The following CNDP2 variants were observed in gnomAD, a reference collection of about 807,000 sequenced individuals.
The protein encoded by CNDP2 is carnosine dipeptidase 2.
CNDP2 carries 38 observed loss-of-function variants against 55.0 expected under a neutral mutation model. The observed-to-expected ratio is 0.69, with a 90% CI of 0.53 to 0.90. The LOEUF is 0.90. Among genes scored for constraint, CNDP2 ranks in the 40% least tolerant of loss-of-function variants. The probability of loss-of-function intolerance (pLI) is 0.00; values close to 1 mark genes in which losing one functional copy is unlikely to be tolerated. For missense variants in CNDP2, 607 were observed against 621.7 expected, an observed-to-expected ratio of 0.98 and a Z score of 0.25; for synonymous variants, 241 against 260.2, an observed-to-expected ratio of 0.93 and a Z score of 0.71.
chr18:74,513,656 C>A lies in CNDP2; in HGVS notation c.840C>A (p.Ile280=), dbSNP rs201975044. 5.8e-5 allele frequency: 93 copies of A among 1,613,976 alleles called. No individual in the cohort carries two copies. Among genetic ancestry groups the A allele is most frequent in the Non-Finnish European group, 4.7e-5 (55 of 1,180,028 alleles). The change falls in exon 8 of 12, where the codon ATC becomes ATA. Residue 280 remains isoleucine, a synonymous_variant. Transcript: ENST00000324262. Reference sequence around the variant, plus strand: ...AGGAGCACAAGCTGTACGACGACATCGACTTTGACATAGAGGAGTTTGCCA... The same window carrying A: ...AGGAGCACAAGCTGTACGACGACATAGACTTTGACATAGAGGAGTTTGCCA... ...TEEEHKLYDD[I]DFDIEEFAKD... is the part of the protein sequence containing the mutation.
In CNDP2 at chr18:74,523,256, G is replaced by T. The variant is rs1298378317; in HGVS notation, c.*3188G>T. The T allele has an allele frequency of 1.3e-5, 2 of 152,196 alleles. No homozygotes were observed. Among genetic ancestry groups the T allele is most frequent in the Admixed American group, 1.3e-4 (2 of 15,282 alleles). 9.4% of individuals were successfully genotyped at this position (152,196 alleles called of 1,614,324 possible). Reference sequence around the variant, plus strand: ...CTGGACTGAATGGGTCTGACTAACGGCTGGTTCTGTGAACTTGAGCCTCAG... The same window carrying T: ...CTGGACTGAATGGGTCTGACTAACGTCTGGTTCTGTGAACTTGAGCCTCAG... On this transcript the variant is annotated 3_prime_UTR_variant, in exon 12 of 12. Coordinates refer to ENST00000324262, the MANE Select transcript of CNDP2 (RefSeq NM_018235.3).
intron 7 of CNDP2, among the ~76,000 whole-genome samples, chr18:74,512,926 C>T (rs551325901): frequency 3.3e-5 from 5 of 152,228 alleles, no homozygotes; most frequent in Non-Finnish European, 5.9e-5. Flanking sequence ...CAGGTCCCCC[C>T]GCCTGATCAG....
intron 3 of CNDP2, 123 bp from the exon 4 acceptor site, chr18:74,505,726 C>T (rs971194553): frequency 9.4e-7 from 1 of 1,065,168 alleles, no homozygotes; most frequent in Admixed American, 2.7e-5. Flanking sequence ...CTCTTAAACT[C>T]TACAATAGAG....
chr18:74,503,255 T>C (rs1394339550), intron 3 of CNDP2, among the ~76,000 whole-genome samples: 1 of 152,236 alleles, frequency 6.6e-6, no homozygotes, highest in East Asian at 1.9e-4. Flanking sequence ...ATAACACTGA[T>C]TTTTATCAAG....
chr18:74,515,484 G>A (rs1979615551), intron 8 of CNDP2, among the ~76,000 whole-genome samples: 1 of 152,120 alleles, frequency 6.6e-6, no homozygotes, highest in South Asian at 2.1e-4. Context: ...GTGTTTTAGG[G>A]CCTTGTCTGT....
intron 5 of CNDP2, among the ~76,000 whole-genome samples, chr18:74,510,358 A>G (rs1326282039): frequency 6.6e-6 from 1 of 152,158 alleles, no homozygotes; most frequent in Non-Finnish European, 1.5e-5. Flanking sequence ...GCACCTGCAA[A>G]GCCACAATGA....
rs1216901977 is a variant in CNDP2, at chr18:74,519,099, G to A, written c.1358+3G>A. ...TCCCAGAATGAAAAGCTCAACAGGT[G>A]AGAGTCCAGGGTGCGGCCCAGGTTG... On this transcript the variant is annotated splice_donor_region_variant and intron_variant, in intron 11 of 11. Transcript: ENST00000324262. 1 of 1,605,314 alleles carries A rather than the reference G, an allele frequency of 6.2e-7. No individual in the cohort carries two copies. Among genetic ancestry groups the A allele is most frequent in the Non-Finnish European group, 8.5e-7 (1 of 1,173,368 alleles).
intron 8 of CNDP2, among the ~76,000 whole-genome samples, chr18:74,514,026 A>C (rs1979504865): frequency 6.6e-6 from 1 of 152,220 alleles, no homozygotes; most frequent in African/African-American, 2.4e-5. Flanking sequence ...CGCTGGGCCC[A>C]GGGCTCATTT....
In CNDP2 at chr18:74,516,400, G is replaced by A; in HGVS notation, c.1068+8G>A. On this transcript the variant is annotated splice_region_variant and intron_variant, in intron 9 of 11. Transcript: ENST00000324262. ...GAAGTCGTCGGCGAGCAGGCATGTG[G>A]GGCTGGGACACGGGGTGGGGGCCAA... is the stretch of plus-strand genomic sequence containing the variant. The A allele has an allele frequency of 6.2e-7, 1 of 1,603,560 alleles. No homozygotes were observed. Among genetic ancestry groups the A allele is most frequent in the Non-Finnish European group, 8.5e-7 (1 of 1,173,622 alleles).
At chr18:74,506,291 C>G (rs919987080) in intron 4 of CNDP2, among the ~76,000 whole-genome samples, 1 of 152,122 alleles carries the variant, frequency 6.6e-6, no homozygotes, top group Non-Finnish European at 1.5e-5. Flanking sequence ...CCCATCACCA[C>G]GCCTGGCTAG....
Position 74,499,900 on chromosome 18 carries a change from C to A in CNDP2, c.-74C>A. The A allele has an allele frequency of 7.2e-7, 1 of 1,387,190 alleles. No individual in the cohort carries two copies. The highest frequency in any genetic ancestry group is 1.0e-6 in the Non-Finnish European group (1 of 981,742). The allele number at this position is 1,387,190 out of a possible 1,614,324, so 85.9% of individuals were successfully genotyped here. On this transcript the variant is annotated 5_prime_UTR_variant, in exon 2 of 12. Transcript: ENST00000324262. ...TGGGCAGGTCGCCCCTCAGTCTCCA[C>A]TAGAGACAGGACTGACCAGTTGCTC...
intron 2 of CNDP2, 65 bp from the exon 3 acceptor site, chr18:74,501,264 C>T (rs530687004): frequency 1.1e-4 from 173 of 1,558,050 alleles, no homozygotes; most frequent in South Asian, 1.2e-4. Flanking sequence ...GGCAACGTTA[C>T]GGGAGCCTCT....
chr18:74,498,800 A>C (rs1199708632), intron 1 of CNDP2, among the ~76,000 whole-genome samples: 1 of 152,196 alleles, frequency 6.6e-6, no homozygotes, highest in African/African-American at 2.4e-5. Context: ...TGGGAGGTAT[A>C]TAACCATTCC....
At chr18:74,504,241 C>A (rs1978882975) in intron 3 of CNDP2, among the ~76,000 whole-genome samples, 1 of 150,584 alleles carries the variant, frequency 6.6e-6, no homozygotes, top group Non-Finnish European at 1.5e-5. Flanking sequence ...CACGCAGCCA[C>A]AGTGCCGCTG....
intron 3 of CNDP2, among the ~76,000 whole-genome samples, chr18:74,503,168 C>T (rs181475294): frequency 1.3e-5 from 2 of 149,724 alleles, no homozygotes; most frequent in Non-Finnish European, 3.0e-5. Context: ...CTTCGTTGAT[C>T]ACTGACATTG....
At position 74,518,651 on chromosome 18, in the gene CNDP2, C is replaced by G. The variant is rs1266753058; in HGVS notation, c.1210+11C>G. The stretch of plus-strand genomic sequence containing the variant: ...GAGCCATGAAGACAGGTTGGACGCT[C>G]TCCTTGTGGATGATGCCGCGCAGGG... On this transcript the variant is annotated intron_variant, in intron 10 of 11. Transcript: ENST00000324262. The G allele has an allele frequency of 1.2e-6, 2 of 1,613,896 alleles. No homozygotes were observed. Among genetic ancestry groups the G allele is most frequent in the East Asian group, 2.2e-5 (1 of 44,896 alleles).
rs1425167722 is a variant in CNDP2, at chr18:74,508,801, G to A, written c.368-39G>A. 2.6e-6 allele frequency: 4 copies of A among 1,562,562 alleles called. No individual in the cohort carries two copies. The African/African-American group carries it at 4.0e-5, about 16-fold the overall frequency. Reference sequence around the variant, plus strand: ...GAGACACGCTGCTTCTGGGTTCCTTGTAATCATCACTTTATGAATTTGTGG... The same window carrying A: ...GAGACACGCTGCTTCTGGGTTCCTTATAATCATCACTTTATGAATTTGTGG... On this transcript the variant is annotated intron_variant, in intron 4 of 11. Transcript: ENST00000324262.
rs900622833 is a variant in CNDP2 at position 74,520,988 on chromosome 18, C to T, written c.*920C>T. 6.6e-6 allele frequency: 1 copy of T among 152,196 alleles called. No individual in the cohort carries two copies. The highest frequency in any genetic ancestry group is 2.4e-5 in the African/African-American group (1 of 41,440). 9.4% of individuals were successfully genotyped at this position (152,196 alleles called of 1,614,324 possible). On this transcript the variant is annotated 3_prime_UTR_variant, in exon 12 of 12. Coordinates refer to ENST00000324262, the MANE Select transcript of CNDP2 (RefSeq NM_018235.3). ...TCTCTCGCTATCTGCGGGTCCTGTCCTTTTCTCAAGACCTTCACCATTACT... is the reference window on the plus strand; with the variant it reads ...TCTCTCGCTATCTGCGGGTCCTGTCTTTTTCTCAAGACCTTCACCATTACT...
chr18:74,500,517 C>T (rs190504264), intron 2 of CNDP2, among the ~76,000 whole-genome samples: 13 of 152,278 alleles, frequency 8.5e-5, no homozygotes, highest in African/African-American at 2.9e-4. Context: ...TGGGTATTTT[C>T]TGTATCTTTC....
Sources: allele counts gnomAD v4.1 joint callset (sites outside exome capture counted in the v4.1 genomes callset), GRCh38; gene constraint gnomAD v4.1.1; transcripts MANE v1.5; gene names NCBI Gene and HGNC (gene_info 2026-07-23, HGNC 2026-07-21).